TIAM1: variants seen among roughly 807,000 people sequenced by gnomAD.
The protein encoded by TIAM1 is rho guanine nucleotide exchange factor TIAM1.
A neutral mutation model predicts 163.5 loss-of-function variants in TIAM1; 65 were observed. The ratio of observed to expected loss-of-function variants is 0.40; its 90% CI spans 0.33 to 0.49. TIAM1 has a LOEUF of 0.49. Ranked by LOEUF, TIAM1 falls within the 20% of genes least tolerant of loss-of-function variation. The probability of loss-of-function intolerance (pLI) is 0.77; values close to 1 mark genes in which losing one functional copy is unlikely to be tolerated. For missense variants in TIAM1, 1,789 were observed against 2,044.7 expected, an observed-to-expected ratio of 0.87 and a Z score of 2.41; for synonymous variants, 833 against 810.1, an observed-to-expected ratio of 1.03 and a Z score of -0.48.
At chr21:31,369,027 C>T (rs749160667) in intron 2 of TIAM1, among the ~76,000 whole-genome samples, 4 of 151,736 alleles carry the variant, frequency 2.6e-5, no homozygotes, top group South Asian at 4.2e-4. Context: ...ATCACGAGGT[C>T]GGGAGATAGA....
intron 8 of TIAM1, among the ~76,000 whole-genome samples, 195 bp downstream of exon 8, chr21:31,223,211 T>A (rs1229681333): frequency 6.9e-6 from 1 of 143,984 alleles, no homozygotes; most frequent in Non-Finnish European, 1.5e-5. Context: ...GGCCCCCCCA[T>A]CAAGAGATAG....
At chr21:31,460,725 C>G (rs78388589) in intron 2 of TIAM1, among the ~76,000 whole-genome samples, 2,650 of 152,326 alleles carry the variant, frequency 0.017, 69 homozygotes, top group African/African-American at 0.059. Context: ...AAGCTTCACA[C>G]TTCAAAGACT....
intron 11 of TIAM1, among the ~76,000 whole-genome samples, chr21:31,204,720 C>G (rs2086362375): frequency 6.6e-6 from 1 of 152,178 alleles, no homozygotes; most frequent in African/African-American, 2.4e-5. Context: ...GAAGGTGAGG[C>G]AGCAGTGGTT....
chr21:31,160,186 C>T (rs577865417), intron 16 of TIAM1, among the ~76,000 whole-genome samples: 4 of 152,226 alleles, frequency 2.6e-5, no homozygotes, highest in African/African-American at 9.6e-5. Context: ...ATCTTTCTGC[C>T]ATTTAAGTAT....
chr21:31,279,893 AAT>A (rs2073469147), intron 2 of TIAM1, among the ~76,000 whole-genome samples: 1 of 152,218 alleles, frequency 6.6e-6, no homozygotes, highest in African/African-American at 2.4e-5. Flanking sequence ...ATATGTTATA[AAT>A]TGAATGACAT....
rs201856631 is a variant in TIAM1 at position 31,445,803 on chromosome 21, G to C, written c.-369+18180C>G. Among the ~76,000 whole-genome samples, 53 of 152,270 alleles carry C rather than the reference G, an allele frequency of 3.5e-4. 1 individual carries two copies. In the East Asian group the frequency reaches 7.9e-3, roughly 23 times the overall value. The stretch of plus-strand genomic sequence containing the variant: ...GACTCAGGGACATGAGTACAGCCAG[G>C]GGGAGGAGGGGAGGAGAGACGCTAA... On this transcript the variant is annotated intron_variant, in intron 2 of 28. Coordinates refer to the TIAM1 transcript ENST00000286827.
At chr21:31,545,868 A>T (rs1416360722) in intron 1 of TIAM1, among the ~76,000 whole-genome samples, 1 of 152,202 alleles carries the variant, frequency 6.6e-6, no homozygotes, top group African/African-American at 2.4e-5. Flanking sequence ...GTGGATTACA[A>T]AACGAGAAAA....
At chr21:31,238,386 C>T (rs1431370462) in intron 6 of TIAM1, among the ~76,000 whole-genome samples, 1 of 152,190 alleles carries the variant, frequency 6.6e-6, no homozygotes, top group African/African-American at 2.4e-5. Context: ...TGGCATAAAG[C>T]TTTCACCATA....
chr21:31,189,795 A>G (rs1395785483), intron 13 of TIAM1, among the ~76,000 whole-genome samples: 4 of 151,944 alleles, frequency 2.6e-5, no homozygotes, highest in Non-Finnish European at 5.9e-5. Flanking sequence ...ACCATCTTCT[A>G]CATGAACAAA....
rs1397739341 is a variant in TIAM1, at chr21:31,120,572, C to T, written c.4572G>A (p.Leu1524=). Residue 1524 remains leucine, a synonymous_variant, in exon 28 of 28, where the codon CTG becomes CTA. Coordinates refer to ENST00000541036, the MANE Select transcript of TIAM1 (RefSeq NM_001353694.2). The surrounding 1 kb of genome is among the most constrained non-coding windows in gnomAD (Gnocchi z 4.2). ...SVKGASVDRD[L]QERLQATSIS... ...TGGAGGTGGCCTGAAGCCGCTCCTG[C>T]AGGTCTCTGTCCACTGAGGCACCCT... 6.2e-7 allele frequency: 1 copy of T among 1,614,200 alleles called. No homozygotes were observed. Among genetic ancestry groups the T allele is most frequent in the Admixed American group, 1.7e-5 (1 of 60,024 alleles).
chr21:31,257,858 C>G (rs1401357506), intron 4 of TIAM1, among the ~76,000 whole-genome samples: 2 of 152,228 alleles, frequency 1.3e-5, no homozygotes, highest in South Asian at 2.1e-4. Flanking sequence ...TGTGCTTCCT[C>G]CAACTACCAT....
chr21:31,303,925 C>A (rs1242057256), intron 2 of TIAM1, among the ~76,000 whole-genome samples: 1 of 152,144 alleles, frequency 6.6e-6, no homozygotes, highest in African/African-American at 2.4e-5. Context: ...TTGCAGTGAG[C>A]CGAGATCGCA....
At chr21:31,154,805 C>T (rs1441864857) in intron 16 of TIAM1, among the ~76,000 whole-genome samples, 1 of 152,082 alleles carries the variant, frequency 6.6e-6, no homozygotes. Context: ...TTAACCACTC[C>T]CCAAGCAAGA....
At chr21:31,360,144 G>A (rs1343524277) in intron 2 of TIAM1, among the ~76,000 whole-genome samples, 7 of 152,122 alleles carry the variant, frequency 4.6e-5, no homozygotes, top group South Asian at 2.1e-4. Context: ...GCAGAGAGCC[G>A]ACTTCTCAGC....
At chr21:31,267,076 G>C in intron 3 of TIAM1, 93 bp from the exon 4 acceptor site, 1 of 1,485,440 alleles carries the variant, frequency 6.7e-7, no homozygotes. Context: ...AGGGAGGGCA[G>C]AACACCTTGG....
At chr21:31,368,750 G>A (rs770912195) in intron 2 of TIAM1, among the ~76,000 whole-genome samples, 1 of 152,182 alleles carries the variant, frequency 6.6e-6, no homozygotes, top group African/African-American at 2.4e-5. Flanking sequence ...GCTACATAGA[G>A]TAGCAGCAGG....
chr21:31,536,705 G>A (rs891458912), intron 1 of TIAM1, among the ~76,000 whole-genome samples: 4 of 152,202 alleles, frequency 2.6e-5, no homozygotes, highest in Non-Finnish European at 5.9e-5. Context: ...GGTGGAACAG[G>A]GCATGGGCAC....
intron 2 of TIAM1, among the ~76,000 whole-genome samples, chr21:31,283,576 G>T (rs979195071): frequency 1.3e-5 from 2 of 150,148 alleles, no homozygotes; most frequent in African/African-American, 5.0e-5. Flanking sequence ...ATGAAGTGTT[G>T]CTCTGTCGCC....
Position 31,518,101 on chromosome 21 carries a change from T to A in TIAM1, c.-422+40826A>T, listed in dbSNP as rs76071555. Among the ~76,000 whole-genome samples, 1,222 of 152,158 alleles carry A rather than the reference T, an allele frequency of 8.0e-3. 31 individuals are homozygous for A. In the East Asian group the frequency reaches 0.11, roughly 14 times the overall value. On this transcript the variant is annotated intron_variant, in intron 1 of 28. Coordinates refer to the TIAM1 transcript ENST00000286827. ...TAACATATAAGGCCTCAGCCAGAAA[T>A]CCTAAGATGGGTAGAGGAAAAAGAT... is the stretch of plus-strand genomic sequence containing the variant.
Sources: allele counts gnomAD v4.1 joint callset (sites outside exome capture counted in the v4.1 genomes callset), GRCh38; gene constraint gnomAD v4.1.1; non-coding constraint Gnocchi (gnomAD v3.1); transcripts MANE v1.5; gene names NCBI Gene and HGNC (gene_info 2026-07-23, HGNC 2026-07-21).